Variants in POGZ observed in about 807,000 individuals in gnomAD.
POGZ encodes pogo transposable element derived with ZNF domain.
In POGZ, 17 loss-of-function variants were observed where a neutral mutation model predicts 134.6. That is an observed-to-expected ratio of 0.13 (90% CI 0.09 to 0.19). POGZ has a LOEUF of 0.19. POGZ is among the 10% of genes least tolerant of loss of function. The pLI, the probability that POGZ is intolerant of heterozygous loss-of-function variation, is 1.00. For synonymous variants in POGZ, 693 were observed against 657.1 expected (o/e 1.05, Z -0.84); for missense variants, 1,306 against 1,769.7 (o/e 0.74, Z 4.70).
At chr1:151,444,318 C>T (rs1660968813) in intron 1 of POGZ, among the ~76,000 whole-genome samples, 1 of 152,116 alleles carries the variant, frequency 6.6e-6, no homozygotes, top group South Asian at 2.1e-4. Flanking sequence ...AAATCAAATC[C>T]ATATCACAGG....
intron 1 of POGZ, among the ~76,000 whole-genome samples, chr1:151,457,927 C>CA (rs34068254): frequency 0.48 from 65,569 of 136,244 alleles, 16,464 homozygotes; most frequent in South Asian, 0.59. Context: ...AACTTCGTCT[C>CA]AAAAAAAAAA....
Position 151,404,371 on chromosome 1 carries a change from C to A in POGZ, c.*431G>T. Reference sequence around the variant, plus strand: ...TTAACAATGATTAGATAGCATCATGCCCAAAGACATTGGCCACACAATAAA... The same window carrying A: ...TTAACAATGATTAGATAGCATCATGACCAAAGACATTGGCCACACAATAAA... On this transcript the variant is annotated 3_prime_UTR_variant, in exon 19 of 19. Transcript: ENST00000271715. The A allele has an allele frequency of 2.0e-6, 2 of 986,570 alleles. No homozygotes were observed. Among genetic ancestry groups the A allele is most frequent in the Non-Finnish European group, 2.4e-6 (2 of 829,474 alleles). The allele number at this position is 986,570 out of a possible 1,614,324, so 61.1% of individuals were successfully genotyped here.
intron 10 of POGZ, among the ~76,000 whole-genome samples, chr1:151,416,256 A>G (rs561796180): frequency 5.6e-4 from 84 of 150,578 alleles, no homozygotes; most frequent in Admixed American, 1.5e-3. Context: ...GAAAAGAAAA[A>G]AAAAAAGACT....
chr1:151,406,442 C>T lies in POGZ; in HGVS notation c.2593G>A (p.Val865Met), dbSNP rs1653638466. 1.9e-6 allele frequency: 3 copies of T among 1,550,372 alleles called. No individual in the cohort carries two copies. Among genetic ancestry groups the T allele is most frequent in the Non-Finnish European group, 2.6e-6 (3 of 1,151,144 alleles). Residue 865 changes from valine (V) to methionine (M), a missense_variant, in exon 19 of 19, where the codon GTG becomes ATG. By Grantham distance (21) the Val-to-Met change is conservative. Around this residue, in one of 10 missense-constraint regions of POGZ, gnomAD observed 214 missense variants for 255.5 expected, o/e 0.84. Transcript: ENST00000271715. ...ATATTCTTCACGTTCCGGTCATGCA[C>T]TCGGTCACGAGTCTGGCCATGCCTA... Reference protein sequence around the residue: ...HSRHGQTRDRVHDRNVKNMYP... With the variant: ...HSRHGQTRDRMHDRNVKNMYP...
rs747385406 is a variant in POGZ at position 151,405,017 on chromosome 1, T to G, written c.4018A>C (p.Thr1340Pro). ...PGPDGNINSP[T>P]RNADMQEELI... ...TCCTCCTGCATGTCAGCATTTCTTGTAGGTGAGTTAATGTTGCCATCGGGG... is the reference window on the plus strand; with the variant it reads ...TCCTCCTGCATGTCAGCATTTCTTGGAGGTGAGTTAATGTTGCCATCGGGG... Residue 1340 changes from threonine (T) to proline (P), a missense_variant, in exon 19 of 19, where the codon ACA (threonine) becomes CCA (proline). Transcript: ENST00000271715. The surrounding 1 kb of genome is among the most constrained non-coding windows in gnomAD (Gnocchi z 4.9). 4 of 1,614,166 alleles carry G rather than the reference T, an allele frequency of 2.5e-6. No homozygotes were observed. The highest frequency in any genetic ancestry group is 3.4e-6 in the Non-Finnish European group (4 of 1,180,028).
At chr1:151,439,306 G>A (rs1479987389) in intron 3 of POGZ, among the ~76,000 whole-genome samples, 1 of 151,886 alleles carries the variant, frequency 6.6e-6, no homozygotes, top group Non-Finnish European at 1.5e-5. Flanking sequence ...TACATACAAG[G>A]GATCCCATTT....
In POGZ at chr1:151,405,580, G is replaced by A. The variant is rs1653429789; in HGVS notation, c.3455C>T (p.Thr1152Ile). 3.7e-6 allele frequency: 6 copies of A among 1,614,144 alleles called. No homozygotes were observed. Among genetic ancestry groups the A allele is most frequent in the Non-Finnish European group, 5.1e-6 (6 of 1,180,008 alleles). Residue 1152 changes from threonine to isoleucine, a missense_variant, in exon 19 of 19, where the codon ACA becomes ATA. Thr to Ile is a moderately conservative substitution (Grantham distance 89). Transcript: ENST00000271715. This position sits in a 1 kb window ranked among gnomAD's most constrained non-coding sequence, Gnocchi z 4.9. Reference protein sequence around the residue: ...RKENALQTVGTGEPWCDVVLA... With the variant: ...RKENALQTVGIGEPWCDVVLA... ...GACTACATCACACCAAGGTTCCCCT[G>A]TGCCCACTGTCTGCAGGGCATTCTC...
At chr1:151,415,688 A>AG (rs1420878610) in intron 10 of POGZ, among the ~76,000 whole-genome samples, 1 of 151,816 alleles carries the variant, frequency 6.6e-6, no homozygotes, top group Non-Finnish European at 1.5e-5. Context: ...AAAAAAAAAA[A>AG]AAGAATATTT....
At chr1:151,433,124 T>A (rs1658977696) in intron 3 of POGZ, among the ~76,000 whole-genome samples, 1 of 152,190 alleles carries the variant, frequency 6.6e-6, no homozygotes. Flanking sequence ...ACATCCCAAT[T>A]AAATACAAGA....
chr1:151,408,513 G>A lies in POGZ; in HGVS notation c.2130C>T (p.Ser710=), dbSNP rs1225572699. 1.9e-6 allele frequency: 3 copies of A among 1,596,548 alleles called. No individual in the cohort carries two copies. Among genetic ancestry groups the A allele is most frequent in the Non-Finnish European group, 2.6e-6 (3 of 1,175,650 alleles). The change falls in exon 14 of 19, where the codon AGC becomes AGT. Residue 710 remains serine (S), a synonymous_variant. Coordinates refer to ENST00000271715, the MANE Select transcript of POGZ (RefSeq NM_015100.4). The part of the protein sequence containing the change: ...VPVSSNDTPP[S]ALQEAAPLTS... Reference sequence around the variant, plus strand: ...TCAGCGGTGCTGCCTCCTGCAAGGCGCTGGGAGGTGTATCATTAGAGGATA... The same window carrying A: ...TCAGCGGTGCTGCCTCCTGCAAGGCACTGGGAGGTGTATCATTAGAGGATA...
chr1:151,457,616 T>G (rs1194612057), intron 1 of POGZ, among the ~76,000 whole-genome samples: 1 of 152,158 alleles, frequency 6.6e-6, no homozygotes, highest in Non-Finnish European at 1.5e-5. Flanking sequence ...TTTCCTCTAG[T>G]TGGGTAAATG....
chr1:151,403,747 CTT>C lies in POGZ; in HGVS notation c.*1053_*1054del. On this transcript the variant is annotated 3_prime_UTR_variant, in exon 19 of 19. Transcript: ENST00000271715. The stretch of plus-strand genomic sequence containing the variant: ...GCTGGATTTCAACAAGTGGTCTTGT[CTT>C]TTTAAAGTTCAACACTTCTTGAACA... 2.0e-6 allele frequency: 2 copies of C among 985,730 alleles called. No individual in the cohort carries two copies. Among genetic ancestry groups the C allele is most frequent in the Non-Finnish European group, 2.4e-6 (2 of 829,920 alleles). 61.1% of individuals were successfully genotyped at this position (985,730 alleles called of 1,614,324 possible). A position where few individuals can be genotyped will look rare whatever the true frequency, so the allele number is the denominator to read the frequency against.
Position 151,424,071 on chromosome 1 carries a change from C to G in POGZ, c.1401G>C (p.Met467Ile). ...GTCCATAGTAGAAGTCATCTACAAG[C>G]ATAATGAGTTTGGTCTGGACGGCAT... ...VGDAVQTKLI[M>I]LVDDFYYGRD... is the part of the protein sequence containing the mutation. Residue 467 changes from methionine to isoleucine, a missense_variant, in exon 9 of 19, where the codon ATG (methionine) becomes ATC (isoleucine). Coordinates refer to ENST00000271715, the MANE Select transcript of POGZ (RefSeq NM_015100.4). 6.2e-7 allele frequency: 1 copy of G among 1,614,112 alleles called. No individual in the cohort carries two copies. Among genetic ancestry groups the G allele is most frequent in the Non-Finnish European group, 8.5e-7 (1 of 1,179,988 alleles).
intron 10 of POGZ, among the ~76,000 whole-genome samples, chr1:151,412,624 A>T (rs1227067978): frequency 2.0e-5 from 3 of 152,176 alleles, no homozygotes; most frequent in African/African-American, 7.2e-5. Context: ...GATTTTATCT[A>T]TAAGACATTT....
In POGZ at chr1:151,403,842, T is replaced by C. The variant is rs1653121177; in HGVS notation, c.*960A>G. 1 of 985,360 alleles carries C rather than the reference T, an allele frequency of 1.0e-6. No individual in the cohort carries two copies. The highest frequency in any genetic ancestry group is 1.2e-6 in the Non-Finnish European group (1 of 829,932). The allele number at this position is 985,360 out of a possible 1,614,324, so 61.0% of individuals were successfully genotyped here. On this transcript the variant is annotated 3_prime_UTR_variant, in exon 19 of 19. Coordinates refer to ENST00000271715, the MANE Select transcript of POGZ (RefSeq NM_015100.4). ...TGCTCTCCATCTAACAGGATGAAGT[T>C]CAGTAAAGCAGGGACTGCCCCTGGG...
chr1:151,454,242 T>C (rs1321587349), intron 1 of POGZ, among the ~76,000 whole-genome samples: 1 of 152,202 alleles, frequency 6.6e-6, no homozygotes, highest in African/African-American at 2.4e-5. Context: ...CACTTTCTTG[T>C]TCCAGGGTGA....
chr1:151,446,710 C>G (rs964146086), intron 1 of POGZ, among the ~76,000 whole-genome samples: 12 of 131,362 alleles, frequency 9.1e-5, no homozygotes, highest in African/African-American at 2.6e-4. Flanking sequence ...GAGCTGAGAT[C>G]GTGCCACTGC....
At chr1:151,412,047 G>A (rs767205910) in intron 11 of POGZ, among the ~76,000 whole-genome samples, 12 of 152,118 alleles carry the variant, frequency 7.9e-5, no homozygotes, top group South Asian at 2.1e-4. Flanking sequence ...CAAAGGGCAC[G>A]TTCAGGAGAC....
chr1:151,403,563 A>T lies in POGZ; in HGVS notation c.*1239T>A, dbSNP rs1410868731. The T allele has an allele frequency of 1.0e-6, 1 of 985,606 alleles. No individual in the cohort carries two copies. Among genetic ancestry groups the T allele is most frequent in the Non-Finnish European group, 1.2e-6 (1 of 829,814 alleles). The allele number at this position is 985,606 out of a possible 1,614,324, so 61.1% of individuals were successfully genotyped here. ...ACAACCATGAGTACATACAATTAAA[A>T]AAATCCCTCATGCAAATTGTAGAAA... On this transcript the variant is annotated 3_prime_UTR_variant, in exon 19 of 19. Coordinates refer to ENST00000271715, the MANE Select transcript of POGZ (RefSeq NM_015100.4).
Sources: gnomAD v4.1 joint callset for allele counts (sites outside exome capture counted in the v4.1 genomes callset) on GRCh38, gnomAD v4.1.1 for gene constraint, gnomAD v4.1.1 regional missense constraint, Gnocchi (gnomAD v3.1) non-coding constraint, MANE v1.5 for transcripts, NCBI Gene and HGNC (gene_info 2026-07-23, HGNC 2026-07-21) for gene names.